Variants in MBOAT1 observed in about 807,000 individuals in gnomAD.
The protein encoded by MBOAT1 is membrane-bound glycerophospholipid O-acyltransferase 1.
A neutral mutation model predicts 64.4 loss-of-function variants in MBOAT1; 67 were observed. That is an observed-to-expected ratio of 1.04 (90% confidence interval 0.85 to 1.27). The LOEUF is 1.27. Ranked by LOEUF, MBOAT1 falls within the 50% of genes most tolerant of loss-of-function variation. MBOAT1 has a pLI of 0.00. For synonymous variants in MBOAT1, 229 were observed against 218.9 expected (o/e 1.05, Z -0.41); for missense variants, 563 against 604.6 (o/e 0.93, Z 0.72).
At chr6:20,108,008 T>C (rs550295527) in intron 12 of MBOAT1, among the ~76,000 whole-genome samples, 13 of 152,198 alleles carry the variant, frequency 8.5e-5, no homozygotes, top group East Asian at 1.9e-4. Context: ...GCCGGAAGCA[T>C]GTGGGGCTGC....
chr6:20,142,136 G>A (rs529402689), intron 4 of MBOAT1, among the ~76,000 whole-genome samples: 6 of 152,296 alleles, frequency 3.9e-5, no homozygotes, highest in South Asian at 2.1e-4. Context: ...GCCAGTCAGC[G>A]ATTTTTGTTT....
At chr6:20,203,257 A>T (rs2113773160) in intron 1 of MBOAT1, among the ~76,000 whole-genome samples, 1 of 152,318 alleles carries the variant, frequency 6.6e-6, no homozygotes, top group East Asian at 1.9e-4. Context: ...TGCTAAAGGA[A>T]ATTTCTACAT....
intron 1 of MBOAT1, among the ~76,000 whole-genome samples, chr6:20,190,364 G>C (rs1222476536): frequency 1.3e-5 from 2 of 152,150 alleles, no homozygotes; most frequent in African/African-American, 4.8e-5. Flanking sequence ...AAAAGTAAAA[G>C]TCTTCTTCAC....
intron 12 of MBOAT1, among the ~76,000 whole-genome samples, chr6:20,106,849 A>C (rs1759973576): frequency 6.6e-6 from 1 of 151,798 alleles, no homozygotes; most frequent in Non-Finnish European, 1.5e-5. Context: ...AAAAATGTCA[A>C]CTCCTGTTTC....
chr6:20,164,676 T>C (rs1016591601), intron 1 of MBOAT1, among the ~76,000 whole-genome samples: 3 of 152,204 alleles, frequency 2.0e-5, no homozygotes, highest in Admixed American at 2.0e-4. Context: ...GATTTTAATA[T>C]TCAGCCAGGG....
chr6:20,127,381 G>A (rs1581407621), intron 6 of MBOAT1, among the ~76,000 whole-genome samples: 1 of 152,168 alleles, frequency 6.6e-6, no homozygotes, highest in Admixed American at 6.5e-5. Flanking sequence ...ATCCCCTATA[G>A]CAGGGATTCC....
chr6:20,139,546 C>T (rs977282856), intron 4 of MBOAT1, among the ~76,000 whole-genome samples: 3 of 69,186 alleles, frequency 4.3e-5, no homozygotes, highest in Non-Finnish European at 5.3e-5. Flanking sequence ...ACATTTTAAC[C>T]TTTTTTTTTT....
chr6:20,115,411 G>T, intron 9 of MBOAT1, 59 bp from the exon 10 acceptor site: 2 of 1,359,718 alleles, frequency 1.5e-6, no homozygotes, highest in Non-Finnish European at 2.1e-6. Flanking sequence ...GTAATGGAAA[G>T]TTCTCCCCAG....
At chr6:20,112,483 G>T (rs1161407937) in intron 11 of MBOAT1, among the ~76,000 whole-genome samples, 1 of 152,158 alleles carries the variant, frequency 6.6e-6, no homozygotes, top group African/African-American at 2.4e-5. Flanking sequence ...TCGGGGCAAT[G>T]AAATGAGAAA....
intron 7 of MBOAT1, 88 bp downstream of exon 7, chr6:20,126,429 T>C: frequency 8.9e-7 from 1 of 1,123,534 alleles, no homozygotes; most frequent in Non-Finnish European, 1.3e-6. Context: ...AGCTTTCTGG[T>C]AAACTGTTTG....
At chr6:20,104,437 A>T (rs1305493402) in intron 12 of MBOAT1, among the ~76,000 whole-genome samples, 2 of 152,084 alleles carry the variant, frequency 1.3e-5, no homozygotes, top group African/African-American at 2.4e-5. Flanking sequence ...CTAAACTAAT[A>T]AAAAAAACAA....
intron 1 of MBOAT1, among the ~76,000 whole-genome samples, chr6:20,189,601 C>T (rs1762747935): frequency 2.0e-5 from 3 of 152,184 alleles, no homozygotes; most frequent in Admixed American, 1.3e-4. Flanking sequence ...TATTATTTTA[C>T]CTATCATCAC....
intron 1 of MBOAT1, among the ~76,000 whole-genome samples, chr6:20,164,497 C>T (rs1262896153): frequency 6.6e-6 from 1 of 152,132 alleles, no homozygotes; most frequent in Non-Finnish European, 1.5e-5. Flanking sequence ...AGCTAACTAG[C>T]AGGACTTCTC....
At chr6:20,108,602 T>C (rs1019668857) in intron 12 of MBOAT1, among the ~76,000 whole-genome samples, 2 of 152,240 alleles carry the variant, frequency 1.3e-5, no homozygotes, top group African/African-American at 4.8e-5. Flanking sequence ...CCATCGGCTA[T>C]AGGGAATTCC....
In MBOAT1 at chr6:20,212,400, G is replaced by A; in HGVS notation, c.-166C>T. On this transcript the variant is annotated 5_prime_UTR_variant, in exon 1 of 13. Coordinates refer to ENST00000324607, the MANE Select transcript of MBOAT1 (RefSeq NM_001080480.3). ...GGAATGCGAACCGGCGCAAACTCTC[G>A]AGGCGCAAACTCTCGAGGCGCAAAC... 1 of 635,676 alleles carries A rather than the reference G, an allele frequency of 1.6e-6. No homozygotes were observed. Among genetic ancestry groups the A allele is most frequent in the South Asian group, 2.0e-5 (1 of 51,234 alleles). 39.4% of individuals were successfully genotyped at this position (635,676 alleles called of 1,614,324 possible). A position where few individuals can be genotyped will look rare whatever the true frequency, so the allele number is the denominator to read the frequency against.
At chr6:20,106,715 C>T (rs1449173623) in intron 12 of MBOAT1, among the ~76,000 whole-genome samples, 1 of 152,158 alleles carries the variant, frequency 6.6e-6, no homozygotes. Context: ...AGCCACCGCG[C>T]CCGACCATCA....
chr6:20,149,617 TAGA>T (rs918901317), intron 3 of MBOAT1, among the ~76,000 whole-genome samples: 1 of 152,160 alleles, frequency 6.6e-6, no homozygotes, highest in African/African-American at 2.4e-5. Context: ...ATTTCCTTTC[TAGA>T]AGAAGTGACA....
chr6:20,211,443 G>T (rs1291471806), intron 1 of MBOAT1, among the ~76,000 whole-genome samples: 1 of 152,158 alleles, frequency 6.6e-6, no homozygotes, highest in Non-Finnish European at 1.5e-5. Context: ...CTTCAGGAAG[G>T]TTTCTTGCCA....
chr6:20,123,908 A>C (rs1002166669), intron 8 of MBOAT1, among the ~76,000 whole-genome samples: 2 of 151,490 alleles, frequency 1.3e-5, no homozygotes, highest in African/African-American at 4.9e-5. Context: ...TACAAAAAAA[A>C]TTAGCTGGGT....
Sources: gnomAD v4.1 joint callset for allele counts (sites outside exome capture counted in the v4.1 genomes callset) on GRCh38, gnomAD v4.1.1 for gene constraint, MANE v1.5 for transcripts, NCBI Gene and HGNC (gene_info 2026-07-23, HGNC 2026-07-21) for gene names.